Variants in TACC2 observed in about 807,000 individuals in gnomAD.
The protein encoded by TACC2 is transforming acidic coiled-coil containing protein 2.
In TACC2, 137 loss-of-function variants were observed where a neutral mutation model predicts 227.3. That is an observed-to-expected ratio of 0.60 (90% CI 0.52 to 0.69). The LOEUF is 0.69. TACC2 is among the 30% of genes least tolerant of loss of function. TACC2 has a pLI of 0.00. For synonymous variants in TACC2, 1,523 were observed against 1,487.5 expected, an observed-to-expected ratio of 1.02 and a Z score of -0.55; for missense variants, 3,470 against 3,694.4, an observed-to-expected ratio of 0.94 and a Z score of 1.57.
chr10:122,248,513 C>T, intron 19 of TACC2, 130 bp from the exon 20 acceptor site: 2 of 1,126,476 alleles, frequency 1.8e-6, no homozygotes. Context: ...TGGGTTCGTC[C>T]CAAGGAAAAG....
At chr10:122,025,435 G>A (rs936862274) in intron 2 of TACC2, among the ~76,000 whole-genome samples, 4 of 151,424 alleles carry the variant, frequency 2.6e-5, no homozygotes, top group Non-Finnish European at 5.9e-5. Flanking sequence ...TAATTTTTTT[G>A]TATTTTTAGT....
chr10:122,122,719 ACT>A (rs762373392), intron 5 of TACC2, among the ~76,000 whole-genome samples: 4 of 151,856 alleles, frequency 2.6e-5, no homozygotes, highest in African/African-American at 7.3e-5. Context: ...CCCAGTCCTG[ACT>A]CTGTTCTTCG....
intron 6 of TACC2, among the ~76,000 whole-genome samples, chr10:122,138,418 G>A (rs1197100219): frequency 6.6e-6 from 1 of 152,196 alleles, no homozygotes; most frequent in East Asian, 1.9e-4. Context: ...GCTGAGGCAG[G>A]AGAATTGCTT....
intron 1 of TACC2, among the ~76,000 whole-genome samples, chr10:122,012,558 C>T (rs1434015312): frequency 6.6e-6 from 1 of 151,974 alleles, no homozygotes; most frequent in African/African-American, 2.4e-5. Flanking sequence ...CCAGCCAAAC[C>T]TCCCAGTTAT....
intron 7 of TACC2, among the ~76,000 whole-genome samples, chr10:122,151,017 G>A (rs1040120324): frequency 2.6e-5 from 4 of 152,136 alleles, no homozygotes; most frequent in Non-Finnish European, 5.9e-5. Context: ...TTTAAGATAG[G>A]GCTAGTAGTA....
In TACC2 at chr10:122,141,718, C is replaced by T; in HGVS notation, c.5700-1854C>T. ...GCCACTGTTTTCTAAGACAGAGATC[C>T]TTCCTTGCAGTTTGATAAACAGTAC... is the stretch of plus-strand genomic sequence containing the variant. On this transcript the variant is annotated intron_variant, in intron 6 of 22. Transcript: ENST00000369005. The surrounding 1 kb of genome is among the most constrained non-coding windows in gnomAD (Gnocchi z 4.3). 6.6e-6 allele frequency among the ~76,000 whole-genome samples: 1 copy of T among 152,154 alleles called. No individual in the cohort carries two copies. Among genetic ancestry groups the T allele is most frequent in the Non-Finnish European group, 1.5e-5 (1 of 68,026 alleles).
At chr10:122,005,673 C>T (rs1160172617) in intron 1 of TACC2, among the ~76,000 whole-genome samples, 4 of 147,498 alleles carry the variant, frequency 2.7e-5, no homozygotes, top group Admixed American at 1.4e-4. Flanking sequence ...CATGAGCCAC[C>T]GTGCCTGGCC....
At chr10:122,119,829 G>C (rs1328487616) in intron 5 of TACC2, among the ~76,000 whole-genome samples, 2 of 151,850 alleles carry the variant, frequency 1.3e-5, no homozygotes, top group Non-Finnish European at 2.9e-5. Context: ...TGACGCAGGA[G>C]AATTGCTTAA....
chr10:122,088,015 C>A lies in TACC2; in HGVS notation c.5459+56C>A, dbSNP rs183144020. On this transcript the variant is annotated intron_variant, in intron 4 of 22. Transcript: ENST00000369005. ...GTGTGGTCAGTTTCAAAGGTGATTC[C>A]CAGCCTGATTTTTAGAAGTCAGTCG... 7 of 1,456,338 alleles carry A rather than the reference C, an allele frequency of 4.8e-6. No individual in the cohort carries two copies. In the African/African-American group the frequency reaches 9.9e-5, roughly 21 times the overall value. 90.2% of individuals were successfully genotyped at this position (1,456,338 alleles called of 1,614,324 possible).
intron 5 of TACC2, among the ~76,000 whole-genome samples, chr10:122,104,514 G>T (rs981716256): frequency 6.6e-6 from 1 of 151,930 alleles, no homozygotes; most frequent in African/African-American, 2.4e-5. Flanking sequence ...GATTACAGGC[G>T]CTTGCCACCA....
chr10:122,051,267 G>T (rs561167007), intron 3 of TACC2: 1 of 152,404 alleles, frequency 6.6e-6, no homozygotes, highest in South Asian at 2.1e-4. Context: ...GGCCAGGCTG[G>T]TCTCTAACTC....
At chr10:122,021,094 G>T (rs1362074013) in intron 1 of TACC2, among the ~76,000 whole-genome samples, 1 of 152,150 alleles carries the variant, frequency 6.6e-6, no homozygotes, top group East Asian at 1.9e-4. Flanking sequence ...GCCAGGTGTG[G>T]TGGCGGGCGT....
chr10:122,142,955 AC>A (rs1425413150), intron 6 of TACC2, among the ~76,000 whole-genome samples: 1 of 151,808 alleles, frequency 6.6e-6, no homozygotes, highest in Non-Finnish European at 1.5e-5. Flanking sequence ...CTCCAGTGCT[AC>A]CCCCGGAGGC....
At chr10:122,015,102 G>T (rs1351624261) in intron 1 of TACC2, among the ~76,000 whole-genome samples, 1 of 41,798 alleles carries the variant, frequency 2.4e-5, no homozygotes, top group Non-Finnish European at 4.6e-5. Context: ...CAGTTCATCT[G>T]CTATAAAAAA....
intron 5 of TACC2, among the ~76,000 whole-genome samples, chr10:122,112,141 T>C (rs2083719013): frequency 6.6e-6 from 1 of 152,194 alleles, no homozygotes; most frequent in Non-Finnish European, 1.5e-5. Flanking sequence ...ATATAATCTA[T>C]AGCAGTGCTT....
chr10:122,034,967 A>G (rs1443834644), intron 2 of TACC2, among the ~76,000 whole-genome samples: 4 of 151,782 alleles, frequency 2.6e-5, no homozygotes, highest in Admixed American at 2.6e-4. Flanking sequence ...AGAGTTGGAA[A>G]GAAACACTGA....
chr10:122,145,167 C>G (rs2091204926), intron 7 of TACC2, among the ~76,000 whole-genome samples: 1 of 152,188 alleles, frequency 6.6e-6, no homozygotes, highest in Admixed American at 6.6e-5. Context: ...CCAGCAATCC[C>G]ATTTTTAGAT....
chr10:122,195,228 G>T, intron 8 of TACC2, 52 bp downstream of exon 8: 6 of 1,513,886 alleles, frequency 4.0e-6, no homozygotes, highest in Non-Finnish European at 5.4e-6. Flanking sequence ...TGTGAGCCCT[G>T]GGGGAGATTT....
intron 7 of TACC2, among the ~76,000 whole-genome samples, chr10:122,148,257 C>T (rs1367344129): frequency 6.6e-6 from 1 of 152,150 alleles, no homozygotes; most frequent in East Asian, 1.9e-4. Flanking sequence ...GCACCCGCCA[C>T]CATGCCTGGC....
Sources: gnomAD v4.1 joint callset for allele counts (sites outside exome capture counted in the v4.1 genomes callset) on GRCh38, gnomAD v4.1.1 for gene constraint, Gnocchi (gnomAD v3.1) non-coding constraint, MANE v1.5 for transcripts, NCBI Gene and HGNC (gene_info 2026-07-23, HGNC 2026-07-21) for gene names.